Variants in KIF2A observed in about 807,000 individuals in gnomAD.
The protein encoded by KIF2A is kinesin family member 2A.
KIF2A carries 22 observed loss-of-function variants against 100.2 expected under a neutral mutation model. The ratio of observed to expected loss-of-function variants is 0.22; its 90% confidence interval spans 0.16 to 0.31. The LOEUF (loss-of-function observed/expected upper bound fraction) is 0.31, where lower values mean the gene tolerates loss of function less well. Among genes scored for constraint, KIF2A ranks in the 10% least tolerant of loss-of-function variants. KIF2A has a pLI of 1.00. For synonymous variants in KIF2A, 268 were observed against 285.9 expected, an observed-to-expected ratio of 0.94 and a Z score of 0.63; for missense variants, 495 against 898.7, an observed-to-expected ratio of 0.55 and a Z score of 5.74.
chr5:62,358,089 CAA>C, intron 8 of KIF2A, 46 bp from the exon 9 acceptor site: 1 of 1,366,730 alleles, frequency 7.3e-7, no homozygotes, highest in South Asian at 1.5e-5. Flanking sequence ...TACATGAACT[CAA>C]ATGCTGTGAA....
At position 62,388,433 on chromosome 5, in the gene KIF2A, C is replaced by T. The variant is rs1342817303; in HGVS notation, c.*2864C>T. 2 of 152,346 alleles carry T rather than the reference C, an allele frequency of 1.3e-5. No individual in the cohort carries two copies. The highest frequency in any genetic ancestry group is 2.9e-5 in the Non-Finnish European group (2 of 68,218). The allele number at this position is 152,346 out of a possible 1,614,324, so 9.4% of individuals were successfully genotyped here. A position where few individuals can be genotyped will look rare whatever the true frequency, so the allele number is the denominator to read the frequency against. ...TGGGCTTACCCAGAACCCTAAGTCT[C>T]TGACGCTATAGGATAGCGAAAGAGG... On this transcript the variant is annotated 3_prime_UTR_variant, in exon 21 of 21. Transcript: ENST00000407818.
chr5:62,354,971 T>C (rs1352752174), intron 6 of KIF2A, among the ~76,000 whole-genome samples, 188 bp from the exon 7 acceptor site: 3 of 152,072 alleles, frequency 2.0e-5, no homozygotes, highest in African/African-American at 7.2e-5. Context: ...AAAACACAAT[T>C]TTACAAACAC....
chr5:62,343,339 C>T (rs1361218285), intron 1 of KIF2A, among the ~76,000 whole-genome samples: 1 of 152,126 alleles, frequency 6.6e-6, no homozygotes, highest in African/African-American at 2.4e-5. Flanking sequence ...GTAAAAGGCA[C>T]CACTATTTAC....
At chr5:62,350,806 G>A (rs1406922903) in intron 4 of KIF2A, among the ~76,000 whole-genome samples, 5 of 151,906 alleles carry the variant, frequency 3.3e-5, no homozygotes, top group African/African-American at 9.7e-5. Context: ...CAGCTACTTG[G>A]GAGGCTGAGG....
Position 62,332,684 on chromosome 5 carries a change from A to G in KIF2A, c.65-14446A>G, listed in dbSNP as rs535111566. Among the ~76,000 whole-genome samples the G allele has an allele frequency of 1.9e-4, 29 of 152,290 alleles. No homozygotes were observed. The East Asian group carries it at 3.9e-3, about 20-fold the overall frequency. On this transcript the variant is annotated intron_variant, in intron 1 of 20. Transcript: ENST00000407818. Reference sequence around the variant, plus strand: ...AATGGTTGAATGTAGACTAAATGGGAAAAAATGGCAGTGTATCAACACGAA... The same window carrying G: ...AATGGTTGAATGTAGACTAAATGGGGAAAAATGGCAGTGTATCAACACGAA...
At chr5:62,383,117 G>A (rs1319342362) in intron 20 of KIF2A, among the ~76,000 whole-genome samples, 7 of 150,914 alleles carry the variant, frequency 4.6e-5, no homozygotes, top group African/African-American at 9.8e-5. Flanking sequence ...AGTAGAGACC[G>A]GGTTTCACCA....
At chr5:62,375,427 TA>T (rs1741496063) in intron 18 of KIF2A, among the ~76,000 whole-genome samples, 1 of 152,202 alleles carries the variant, frequency 6.6e-6, no homozygotes, top group Admixed American at 6.5e-5. Context: ...GTACTATAAT[TA>T]TCCCTACTTT....
chr5:62,308,919 G>GTAAT (rs143980930), intron 1 of KIF2A, among the ~76,000 whole-genome samples: 136,085 of 151,914 alleles, frequency 0.9, 61,118 homozygotes, highest in Middle Eastern at 0.94. Context: ...TCTTGTTAAA[G>GTAAT]TATGTGAAAT....
intron 1 of KIF2A, among the ~76,000 whole-genome samples, chr5:62,314,929 A>G (rs1745738564): frequency 6.6e-6 from 1 of 151,342 alleles, no homozygotes; most frequent in Non-Finnish European, 1.5e-5. Context: ...TCCCCAGCTA[A>G]TTTTTGTATT....
chr5:62,352,453 C>G lies in KIF2A; in HGVS notation c.335-135C>G, dbSNP rs984645560. On this transcript the variant is annotated intron_variant, in intron 4 of 20. Transcript: ENST00000407818. ...TATAAACTATATTATATTTTACATA[C>G]ATAAATAGAAAACCTGGCAACTTAC... The G allele has an allele frequency of 5.5e-6, 3 of 546,358 alleles. No individual in the cohort carries two copies. The South Asian group carries it at 9.4e-5, about 17-fold the overall frequency. 33.8% of individuals were successfully genotyped at this position (546,358 alleles called of 1,614,324 possible).
chr5:62,310,800 T>A (rs1745518653), intron 1 of KIF2A, among the ~76,000 whole-genome samples: 1 of 152,316 alleles, frequency 6.6e-6, no homozygotes, highest in South Asian at 2.1e-4. Context: ...TCAATTCCTT[T>A]CCCTTTTTAA....
At chr5:62,319,549 C>T (rs983944075) in intron 1 of KIF2A, among the ~76,000 whole-genome samples, 1 of 152,170 alleles carries the variant, frequency 6.6e-6, no homozygotes, top group East Asian at 1.9e-4. Flanking sequence ...TCAAAAAACT[C>T]ATTGTATTGT....
At chr5:62,307,573 T>C (rs1419730895) in intron 1 of KIF2A, among the ~76,000 whole-genome samples, 1 of 151,816 alleles carries the variant, frequency 6.6e-6, no homozygotes, top group Non-Finnish European at 1.5e-5. Context: ...GAACGAGAGA[T>C]GTGTGATAAT....
At chr5:62,354,013 A>G (rs1747980272) in intron 6 of KIF2A, among the ~76,000 whole-genome samples, 1 of 152,030 alleles carries the variant, frequency 6.6e-6, no homozygotes, top group Non-Finnish European at 1.5e-5. Context: ...TTACATTTTC[A>G]GAACTACTTT....
At position 62,348,159 on chromosome 5, in the gene KIF2A, A is replaced by G; in HGVS notation, c.271A>G (p.Ile91Val). ...PPASSAKVNK[I>V]VKNRRTVASI... is the part of the protein sequence containing the mutation. ...AGCATCCTCAGCCAAAGTAAACAAAATTGTAAAGGTTAGTGATGAAAATTC... is the reference window on the plus strand; with the variant it reads ...AGCATCCTCAGCCAAAGTAAACAAAGTTGTAAAGGTTAGTGATGAAAATTC... Residue 91 changes from isoleucine to valine, a missense_variant, in exon 3 of 21, where the codon ATT becomes GTT. Physicochemically the swap from Ile to Val is conservative, Grantham distance 29. Coordinates refer to ENST00000407818, the MANE Select transcript of KIF2A (RefSeq NM_001098511.3). The G allele has an allele frequency of 1.2e-6, 2 of 1,613,680 alleles. No individual in the cohort carries two copies. The highest frequency in any genetic ancestry group is 2.2e-5 in the South Asian group (2 of 91,076).
chr5:62,329,298 A>C lies in KIF2A; in HGVS notation c.65-17832A>C, dbSNP rs574411087. ...TTTACTAAACAGCAACAGCACTGTT[A>C]CCAGTGTCAGCTGAGACATTATTTA... On this transcript the variant is annotated intron_variant, in intron 1 of 20. Coordinates refer to ENST00000407818, the MANE Select transcript of KIF2A (RefSeq NM_001098511.3). 1.5e-3 allele frequency among the ~76,000 whole-genome samples: 222 copies of C among 152,342 alleles called. 2 individuals carry two copies. Among genetic ancestry groups the C allele is most frequent in the African/African-American group, 5.2e-3 (218 of 41,576 alleles).
At chr5:62,326,921 G>C (rs900834807) in intron 1 of KIF2A, among the ~76,000 whole-genome samples, 1 of 152,080 alleles carries the variant, frequency 6.6e-6, no homozygotes, top group East Asian at 1.9e-4. Context: ...TGCTTGAGCC[G>C]GGGAGGCGGA....
intron 3 of KIF2A, 147 bp from the exon 4 acceptor site, chr5:62,349,919 G>T (rs1693375258): frequency 3.5e-6 from 2 of 567,636 alleles, no homozygotes. Flanking sequence ...AGCATTAATA[G>T]TAATTCATTA....
In KIF2A at chr5:62,306,266, G is replaced by C; in HGVS notation, c.-207G>C. On this transcript the variant is annotated 5_prime_UTR_variant, in exon 1 of 21. Coordinates refer to ENST00000407818, the MANE Select transcript of KIF2A (RefSeq NM_001098511.3). ...GCTTCACCCCGACTACCCGGCGTGC[G>C]CGTCCTCCTGCCGGCCTGCAGGCCC... The C allele has an allele frequency of 3.8e-6, 2 of 530,646 alleles. No homozygotes were observed. Among genetic ancestry groups the C allele is most frequent in the South Asian group, 4.8e-5 (2 of 41,314 alleles). The allele number at this position is 530,646 out of a possible 1,614,324, so 32.9% of individuals were successfully genotyped here.
Sources: gnomAD v4.1 joint callset for allele counts (sites outside exome capture counted in the v4.1 genomes callset) on GRCh38, gnomAD v4.1.1 for gene constraint, MANE v1.5 for transcripts, NCBI Gene and HGNC (gene_info 2026-07-23, HGNC 2026-07-21) for gene names.